Variants in DCC observed in about 807,000 individuals in gnomAD.
DCC encodes DCC netrin 1 receptor.
A neutral mutation model predicts 172.5 loss-of-function variants in DCC; 58 were observed. The observed-to-expected ratio is 0.34, with a 90% CI of 0.27 to 0.42. DCC has a LOEUF of 0.42. Ranked by LOEUF, DCC falls within the 10% of genes least tolerant of loss-of-function variation. The pLI is 1.00. For synonymous variants in DCC, 709 were observed against 644.5 expected, an observed-to-expected ratio of 1.10 and a Z score of -1.52; for missense variants, 1,740 against 1,791.0, an observed-to-expected ratio of 0.97 and a Z score of 0.51.
intron 8 of DCC, among the ~76,000 whole-genome samples, chr18:53,160,360 A>G (rs1037920639): frequency 1.3e-5 from 2 of 152,148 alleles, no homozygotes; most frequent in African/African-American, 2.4e-5. Context: ...TTTCATAGAG[A>G]TCTGCAATCT....
At chr18:52,731,531 C>A (rs2036642384) in intron 1 of DCC, among the ~76,000 whole-genome samples, 1 of 152,118 alleles carries the variant, frequency 6.6e-6, no homozygotes, top group Non-Finnish European at 1.5e-5. Context: ...GACAGGGAAG[C>A]CAAAGAGTAT....
chr18:52,837,137 C>CT (rs1247314917), intron 2 of DCC, among the ~76,000 whole-genome samples: 1 of 152,200 alleles, frequency 6.6e-6, no homozygotes, highest in African/African-American at 2.4e-5. Flanking sequence ...CTGCACACAG[C>CT]AGGAGGGGCT....
chr18:52,550,325 G>C (rs2032733065), intron 1 of DCC, among the ~76,000 whole-genome samples: 2 of 151,734 alleles, frequency 1.3e-5, no homozygotes, highest in South Asian at 4.2e-4. Context: ...AATGTAACGT[G>C]GTCTCCTGAA....
chr18:53,150,975 G>T (rs1013668637), intron 7 of DCC, among the ~76,000 whole-genome samples: 1 of 152,184 alleles, frequency 6.6e-6, no homozygotes, highest in East Asian at 1.9e-4. Context: ...TAATGTTGGA[G>T]GTGGCAGCAA....
chr18:52,477,004 G>A (rs1261880201), intron 1 of DCC, among the ~76,000 whole-genome samples: 1 of 152,130 alleles, frequency 6.6e-6, no homozygotes, highest in African/African-American at 2.4e-5. Context: ...ACCGAGCCAT[G>A]GGAAAGACCG....
intron 21 of DCC, among the ~76,000 whole-genome samples, chr18:53,423,830 G>A (rs1171403952): frequency 6.6e-6 from 1 of 152,112 alleles, no homozygotes; most frequent in Non-Finnish European, 1.5e-5. Context: ...TCCTATTTTA[G>A]TTGTCTGATA....
At chr18:52,766,318 G>GAGGGTGT (rs1272954244) in intron 2 of DCC, among the ~76,000 whole-genome samples, 1 of 152,218 alleles carries the variant, frequency 6.6e-6, no homozygotes, top group Non-Finnish European at 1.5e-5. Context: ...AGTGCTTTCA[G>GAGGGTGT]CTCTGCCATC....
At chr18:52,352,767 A>T (rs1354864681) in intron 1 of DCC, among the ~76,000 whole-genome samples, 1 of 152,168 alleles carries the variant, frequency 6.6e-6, no homozygotes, top group Admixed American at 6.5e-5. Context: ...AGGCACAAGT[A>T]TTCTAAAGTC....
chr18:52,442,028 G>A lies in DCC; in HGVS notation c.91+101150G>A, dbSNP rs1822449. On this transcript the variant is annotated intron_variant, in intron 1 of 28. Transcript: ENST00000442544. ...CCTGATAAAAGGCTGTTGGGGCTGAGTCAATCAAATGAGCATTATTAGAGC... is the reference window on the plus strand; with the variant it reads ...CCTGATAAAAGGCTGTTGGGGCTGAATCAATCAAATGAGCATTATTAGAGC... Among the ~76,000 whole-genome samples the A allele has an allele frequency of 3.9e-3, 593 of 152,252 alleles. 21 individuals carry two copies. In the East Asian group the frequency reaches 0.089, roughly 23 times the overall value.
chr18:53,045,730 T>C (rs184751005), intron 5 of DCC, among the ~76,000 whole-genome samples: 13 of 152,028 alleles, frequency 8.6e-5, no homozygotes, highest in Admixed American at 3.3e-4. Flanking sequence ...ATGTATGCCT[T>C]TGTCATTTCC....
rs1349224553 is a variant in DCC at position 52,746,389 on chromosome 18, C to A, written c.92-5665C>A. On this transcript the variant is annotated intron_variant, in intron 1 of 28. Coordinates refer to ENST00000442544, the MANE Select transcript of DCC (RefSeq NM_005215.4). ...CTCAAAATCTTGTAGGAGCTTTTTT[C>A]CCCACTTCCAAGCTACTTCTTATAA... Among the ~76,000 whole-genome samples the A allele has an allele frequency of 5.9e-5, 9 of 152,176 alleles. No individual in the cohort carries two copies. The South Asian group carries it at 1.7e-3, about 28-fold the overall frequency.
chr18:53,101,735 C>A lies in DCC; in HGVS notation c.1261+35569C>A, dbSNP rs990810597. On this transcript the variant is annotated intron_variant, in intron 7 of 28. Transcript: ENST00000442544. ...GATTCTGAGACACAGTTTGTCTTTACTAGAGATGCCATCAAGGTTCTGGTG... is the reference window on the plus strand; with the variant it reads ...GATTCTGAGACACAGTTTGTCTTTAATAGAGATGCCATCAAGGTTCTGGTG... Among the ~76,000 whole-genome samples the A allele has an allele frequency of 2.0e-5, 3 of 151,992 alleles. No homozygotes were observed. In the East Asian group the frequency reaches 5.8e-4, roughly 29 times the overall value.
chr18:53,076,637 T>C (rs1443491565), intron 7 of DCC, among the ~76,000 whole-genome samples: 1 of 145,796 alleles, frequency 6.9e-6, no homozygotes, highest in Non-Finnish European at 1.5e-5. Context: ...TCAAATACTT[T>C]GTGAGTCTGA....
At chr18:53,383,864 T>C (rs1907949567) in intron 15 of DCC, among the ~76,000 whole-genome samples, 1 of 152,134 alleles carries the variant, frequency 6.6e-6, no homozygotes, top group African/African-American at 2.4e-5. Context: ...GAATATCTCA[T>C]GTTTACCCAT....
At chr18:52,344,786 CTT>C (rs1491144416) in intron 1 of DCC, among the ~76,000 whole-genome samples, 45,921 of 106,484 alleles carry the variant, frequency 0.43, 7,011 homozygotes, top group East Asian at 0.53. Flanking sequence ...TGTGAAACTT[CTT>C]CTTCATGATT....
At chr18:52,537,241 G>A (rs113354943) in intron 1 of DCC, among the ~76,000 whole-genome samples, 1 of 152,122 alleles carries the variant, frequency 6.6e-6, no homozygotes, top group African/African-American at 2.4e-5. Flanking sequence ...ATAAATAAAT[G>A]CAGTAATAAG....
chr18:53,367,753 A>G (rs765371737), intron 15 of DCC, among the ~76,000 whole-genome samples: 1 of 152,138 alleles, frequency 6.6e-6, no homozygotes, highest in Non-Finnish European at 1.5e-5. Flanking sequence ...TATACATCAC[A>G]TATTAGTGAA....
chr18:52,583,453 T>G (rs1353205574), intron 1 of DCC, among the ~76,000 whole-genome samples: 3 of 152,204 alleles, frequency 2.0e-5, no homozygotes, highest in Non-Finnish European at 4.4e-5. Flanking sequence ...TTTTATACTT[T>G]TCTAGTAAAA....
intron 12 of DCC, among the ~76,000 whole-genome samples, chr18:53,256,369 C>A (rs1010211078): frequency 7.2e-5 from 11 of 152,008 alleles, no homozygotes; most frequent in African/African-American, 2.4e-4. Flanking sequence ...GTCTTTAATC[C>A]ATCTTGAATT....
Sources: gnomAD v4.1 joint callset for allele counts (sites outside exome capture counted in the v4.1 genomes callset) on GRCh38, gnomAD v4.1.1 for gene constraint, MANE v1.5 for transcripts, NCBI Gene and HGNC (gene_info 2026-07-23, HGNC 2026-07-21) for gene names.